Variants in ARHGAP40 observed in about 807,000 individuals in gnomAD.
ARHGAP40 encodes the protein Rho GTPase activating protein 40.
A neutral mutation model predicts 73.5 loss-of-function variants in ARHGAP40; 43 were observed. The ratio of observed to expected loss-of-function variants is 0.58; its 90% CI spans 0.46 to 0.75. ARHGAP40 has a LOEUF of 0.75. ARHGAP40 is among the 30% of genes least tolerant of loss of function. The probability of loss-of-function intolerance (pLI) is 0.00; values close to 1 mark genes in which losing one functional copy is unlikely to be tolerated. For synonymous variants in ARHGAP40, 300 were observed against 352.8 expected (o/e 0.85, Z 1.68); for missense variants, 734 against 861.8 (o/e 0.85, Z 1.86).
At chr20:38,617,303 G>A (rs2088847091) in intron 1 of ARHGAP40, among the ~76,000 whole-genome samples, 1 of 152,204 alleles carries the variant, frequency 6.6e-6, no homozygotes, top group Non-Finnish European at 1.5e-5. Context: ...TGCTTCTGTG[G>A]CTCTCAGCTT....
intron 3 of ARHGAP40, 41 bp from the exon 4 acceptor site, chr20:38,628,885 CT>C (rs1667069314): frequency 7.9e-7 from 1 of 1,267,620 alleles, no homozygotes; most frequent in Admixed American, 2.4e-5. Context: ...GCATTGTCAG[CT>C]TCCCACATGA....
intron 6 of ARHGAP40, among the ~76,000 whole-genome samples, chr20:38,635,353 C>CT (rs34903734): frequency 6.6e-6 from 1 of 151,758 alleles, no homozygotes; most frequent in African/African-American, 2.4e-5. Flanking sequence ...TGTGTGTATC[C>CT]TTTTTTCACC....
chr20:38,609,092 C>A (rs1010554192), intron 1 of ARHGAP40, among the ~76,000 whole-genome samples: 3 of 152,212 alleles, frequency 2.0e-5, no homozygotes, highest in African/African-American at 7.2e-5. Context: ...CCATCTGCAA[C>A]CTTCATCCCA....
chr20:38,641,037 T>C (rs2089015163), intron 9 of ARHGAP40, among the ~76,000 whole-genome samples: 1 of 152,128 alleles, frequency 6.6e-6, no homozygotes, highest in South Asian at 2.1e-4. Flanking sequence ...TGACAGGTAC[T>C]TGATAGATAT....
chr20:38,631,318 A>AT (rs2088936809), intron 5 of ARHGAP40, among the ~76,000 whole-genome samples: 1 of 151,792 alleles, frequency 6.6e-6, no homozygotes, highest in African/African-American at 2.4e-5. Flanking sequence ...AAAAAAAAAA[A>AT]AAAAAAAGAG....
chr20:38,637,933 G>C, intron 7 of ARHGAP40, 134 bp downstream of exon 7: 1 of 594,220 alleles, frequency 1.7e-6, no homozygotes, highest in Non-Finnish European at 2.4e-6. Context: ...TTCAAATTCT[G>C]GCTCTGGCAC....
intron 5 of ARHGAP40, among the ~76,000 whole-genome samples, chr20:38,631,523 G>C (rs2088938550): frequency 6.6e-6 from 1 of 152,120 alleles, no homozygotes; most frequent in Non-Finnish European, 1.5e-5. Context: ...GATCTCGTGA[G>C]ACTTATTCAC....
intron 1 of ARHGAP40, among the ~76,000 whole-genome samples, chr20:38,616,552 A>C (rs971746545): frequency 6.6e-6 from 1 of 152,224 alleles, no homozygotes; most frequent in African/African-American, 2.4e-5. Context: ...GGCTTATTAC[A>C]CAGTGGTTGA....
At chr20:38,614,867 C>T in intron 1 of ARHGAP40, 4 of 1,127,794 alleles carry the variant, frequency 3.5e-6, no homozygotes, top group Non-Finnish European at 5.4e-6. Flanking sequence ...CTCATCACGT[C>T]CTGAGCGTCA....
intron 1 of ARHGAP40, among the ~76,000 whole-genome samples, chr20:38,604,580 G>A (rs1221598457): frequency 6.6e-6 from 1 of 152,052 alleles, no homozygotes; most frequent in Non-Finnish European, 1.5e-5. Context: ...ATTTTCAGTA[G>A]AGATGGGGTT....
intron 11 of ARHGAP40, among the ~76,000 whole-genome samples, chr20:38,644,989 T>C (rs1210523563): frequency 6.6e-6 from 1 of 152,194 alleles, no homozygotes; most frequent in Non-Finnish European, 1.5e-5. Flanking sequence ...AACCAGCAAG[T>C]GAAGCCCTCT....
chr20:38,649,670 G>A (rs2089076498), intron 14 of ARHGAP40, 87 bp from the exon 15 acceptor site: 4 of 788,094 alleles, frequency 5.1e-6, no homozygotes, highest in Non-Finnish European at 5.8e-6. Context: ...CCAGGGGACA[G>A]TGCACTGCCT....
At chr20:38,649,654 A>G (rs1015816558) in intron 14 of ARHGAP40, 103 bp from the exon 15 acceptor site, 3 of 629,686 alleles carry the variant, frequency 4.8e-6, no homozygotes, top group Admixed American at 2.6e-5. Context: ...GTCAAGATGC[A>G]TACAGCCAGG....
At chr20:38,650,333 T>TC (rs1423415333) in exon 15 of ARHGAP40, 2 of 470,904 alleles carry the variant, frequency 4.2e-6, no homozygotes, top group African/African-American at 4.0e-5. Context: ...TGGGGTCTTT[T>TC]CCCCCCAGGC....
At chr20:38,619,352 G>GAAAC (rs1379595583) in intron 1 of ARHGAP40, among the ~76,000 whole-genome samples, 11 of 152,122 alleles carry the variant, frequency 7.2e-5, no homozygotes, top group Non-Finnish European at 1.6e-4. Context: ...GGAAGACTGC[G>GAAAC]ATGAGGCTGT....
intron 1 of ARHGAP40, among the ~76,000 whole-genome samples, chr20:38,620,664 C>A (rs1219467361): frequency 6.6e-6 from 1 of 152,218 alleles, no homozygotes; most frequent in Non-Finnish European, 1.5e-5. Context: ...ATAAATAGAG[C>A]AGAACAGCCA....
At chr20:38,601,963 C>T (rs2088736581) in exon 1 of ARHGAP40, 1 of 1,287,952 alleles carries the variant, frequency 7.8e-7, no homozygotes, top group Non-Finnish European at 1.0e-6. Context: ...CTGCCCTCCT[C>T]CCCGCCGCCC....
chr20:38,626,942 G>C lies in ARHGAP40; in HGVS notation c.338-53G>C, dbSNP rs141892098. ...CTATGCAGAACTTTGGTTAGCACGAGTGGCTGAGTGCAGAGCTGTGTGTGT... is the reference window on the plus strand; with the variant it reads ...CTATGCAGAACTTTGGTTAGCACGACTGGCTGAGTGCAGAGCTGTGTGTGT... On this transcript the variant is annotated intron_variant, in intron 2 of 14. Transcript: ENST00000373345. The C allele has an allele frequency of 2.8e-5, 35 of 1,272,090 alleles. No homozygotes were observed. In the East Asian group the frequency reaches 1.9e-3, roughly 68 times the overall value. The allele number at this position is 1,272,090 out of a possible 1,614,324, so 78.8% of individuals were successfully genotyped here. A position where few individuals can be genotyped will look rare whatever the true frequency, so the allele number is the denominator to read the frequency against.
intron 1 of ARHGAP40, among the ~76,000 whole-genome samples, chr20:38,619,565 T>A (rs1029620133): frequency 6.7e-6 from 1 of 149,482 alleles, no homozygotes; most frequent in African/African-American, 2.5e-5. Flanking sequence ...GTGTCTACAG[T>A]GGGGAAGGAA....
Sources: gnomAD v4.1 joint callset for allele counts (sites outside exome capture counted in the v4.1 genomes callset) on GRCh38, gnomAD v4.1.1 for gene constraint, MANE v1.5 for transcripts, NCBI Gene and HGNC (gene_info 2026-07-23, HGNC 2026-07-21) for gene names.